The following DCAF17 variants were observed in gnomAD, a reference collection of about 807,000 sequenced individuals.
The protein encoded by DCAF17 is DDB1- and CUL4-associated factor 17.
A neutral mutation model predicts 66.0 loss-of-function variants in DCAF17; 48 were observed. The observed-to-expected ratio is 0.73, with a 90% CI of 0.58 to 0.92. The LOEUF (loss-of-function observed/expected upper bound fraction) is 0.92. DCAF17 is among the 40% of genes least tolerant of loss of function. The pLI is 0.00. For missense variants in DCAF17, 562 were observed against 622.8 expected, an observed-to-expected ratio of 0.90 and a Z score of 1.04; for synonymous variants, 206 against 214.6, an observed-to-expected ratio of 0.96 and a Z score of 0.35.
intron 12 of DCAF17, 148 bp from the exon 13 acceptor site, chr2:171,479,890 C>T: frequency 1.2e-6 from 1 of 849,736 alleles, no homozygotes. Flanking sequence ...TAAACAGATA[C>T]ATTTCTACCT....
chr2:171,471,157 T>TA (rs1317742796), intron 9 of DCAF17, among the ~76,000 whole-genome samples: 7 of 152,190 alleles, frequency 4.6e-5, no homozygotes, highest in Non-Finnish European at 8.8e-5. Flanking sequence ...AGCATACTCT[T>TA]AAAGAGCTGC....
chr2:171,437,517 T>A (rs1268234738), intron 2 of DCAF17, among the ~76,000 whole-genome samples: 1 of 152,220 alleles, frequency 6.6e-6, no homozygotes, highest in Non-Finnish European at 1.5e-5. Flanking sequence ...CTTTAAATGC[T>A]TGGTGGAATT....
Position 171,434,571 on chromosome 2 carries a change from C to T in DCAF17, c.-7C>T, listed in dbSNP as rs1301944080. ...CCCAGCCTACCCAGGGCCCGGCCCG[C>T]GCCTCCATGGGCCCGACCCGGAAGC... On this transcript the variant is annotated 5_prime_UTR_variant, in exon 1 of 14. Transcript: ENST00000375255. The T allele has an allele frequency of 2.0e-6, 3 of 1,526,056 alleles. No individual in the cohort carries two copies. Among genetic ancestry groups the T allele is most frequent in the African/African-American group, 2.8e-5 (2 of 72,028 alleles). The allele number at this position is 1,526,056 out of a possible 1,614,324, so 94.5% of individuals were successfully genotyped here.
At chr2:171,480,567 CTCTTGTA>C (rs1324321890) in intron 13 of DCAF17, among the ~76,000 whole-genome samples, 1 of 152,160 alleles carries the variant, frequency 6.6e-6, no homozygotes, top group Non-Finnish European at 1.5e-5. Context: ...TTCCCAGGTA[CTCTTGTA>C]TACATTTGTC....
At chr2:171,440,691 T>C (rs1694257348) in intron 2 of DCAF17, among the ~76,000 whole-genome samples, 1 of 152,190 alleles carries the variant, frequency 6.6e-6, no homozygotes, top group Admixed American at 6.5e-5. Context: ...GTTGTAGCCG[T>C]AGGTATTAGA....
Position 171,469,051 on chromosome 2 carries a change from T to C in DCAF17, c.981+21T>C, listed in dbSNP as rs777645107. On this transcript the variant is annotated intron_variant, in intron 9 of 13. Coordinates refer to ENST00000375255, the MANE Select transcript of DCAF17 (RefSeq NM_025000.4). ...CCCTGGTAAATGAGTGATCAGACTT[T>C]TTATTAGCAAATTTGTATCAAGTTC... 36 of 1,613,606 alleles carry C rather than the reference T, an allele frequency of 2.2e-5. No individual in the cohort carries two copies. In the South Asian group the frequency reaches 3.7e-4, roughly 17 times the overall value.
In DCAF17 at chr2:171,481,501, CAGGG is replaced by C. The variant is rs775631025; in HGVS notation, c.*390_*393del. Reference sequence around the variant, plus strand: ...TTTTGTTTGTTAAGGCTAGGAAAGACAGGGAGAGACAAAAGTAAACATGCAGAAA... The same window carrying C: ...TTTTGTTTGTTAAGGCTAGGAAAGACAGAGACAAAAGTAAACATGCAGAAA... On this transcript the variant is annotated 3_prime_UTR_variant, in exon 14 of 14. Coordinates refer to ENST00000375255, the MANE Select transcript of DCAF17 (RefSeq NM_025000.4). 3 of 456,112 alleles carry C rather than the reference CAGGG, an allele frequency of 6.6e-6. No individual in the cohort carries two copies. The allele number at this position is 456,112 out of a possible 1,614,324, so 28.3% of individuals were successfully genotyped here. A position where few individuals can be genotyped will look rare whatever the true frequency, so the allele number is the denominator to read the frequency against.
chr2:171,458,414 G>C lies in DCAF17; in HGVS notation c.775G>C (p.Gly259Arg). ...TGACTTAGGGTGTGCATGCAGATGG[G>C]GTGGGACTACTGGAACTGTAGGAGA... ...KLDLGCACRW[G>R]GTTGTVGEAP... Residue 259 changes from glycine (G) to arginine (R), a missense_variant, in exon 8 of 14, where the codon GGT becomes CGT. By Grantham distance (125) the Gly-to-Arg change is moderately radical. Around this residue, in one of 3 missense-constraint regions of DCAF17, gnomAD observed 348 missense variants for 355.9 expected, o/e 0.98. Coordinates refer to ENST00000375255, the MANE Select transcript of DCAF17 (RefSeq NM_025000.4). The C allele has an allele frequency of 6.2e-7, 1 of 1,613,928 alleles. No individual in the cohort carries two copies. Among genetic ancestry groups the C allele is most frequent in the Non-Finnish European group, 8.5e-7 (1 of 1,179,964 alleles).
chr2:171,477,937 C>T (rs1167857717), intron 11 of DCAF17, 50 bp from the exon 12 acceptor site: 1 of 1,490,218 alleles, frequency 6.7e-7, no homozygotes, highest in Admixed American at 1.7e-5. Context: ...TTACCTTTGA[C>T]TGCATGTAAT....
At chr2:171,476,434 T>C (rs1462191084) in intron 10 of DCAF17, among the ~76,000 whole-genome samples, 1 of 152,240 alleles carries the variant, frequency 6.6e-6, no homozygotes, top group African/African-American at 2.4e-5. Context: ...AATTTCTTTT[T>C]AGTTAACCCT....
chr2:171,456,459 C>T (rs574561736), intron 6 of DCAF17, among the ~76,000 whole-genome samples: 1 of 152,284 alleles, frequency 6.6e-6, no homozygotes, highest in Non-Finnish European at 1.5e-5. Context: ...GTTCTTTTTG[C>T]TTAGGATTGC....
intron 11 of DCAF17, 147 bp downstream of exon 11, chr2:171,477,097 A>T: frequency 1.5e-6 from 1 of 650,334 alleles, no homozygotes; most frequent in East Asian, 2.8e-5. Flanking sequence ...ATGGGTAGCC[A>T]GTTTTAGCCC....
rs751687518 is a variant in DCAF17 at position 171,473,984 on chromosome 2, T to C, written c.1091+9T>C. The C allele has an allele frequency of 6.2e-7, 1 of 1,600,486 alleles. No individual in the cohort carries two copies. Among genetic ancestry groups the C allele is most frequent in the South Asian group, 1.1e-5 (1 of 90,740 alleles). Reference sequence around the variant, plus strand: ...GGTCCAAATCAAGTCAAGTGAGTAATCTCATTAGCACTTGAAAGTTAAGAG... The same window carrying C: ...GGTCCAAATCAAGTCAAGTGAGTAACCTCATTAGCACTTGAAAGTTAAGAG... On this transcript the variant is annotated intron_variant, in intron 10 of 13. Coordinates refer to ENST00000375255, the MANE Select transcript of DCAF17 (RefSeq NM_025000.4).
chr2:171,464,813 C>G (rs1309662381), intron 8 of DCAF17, among the ~76,000 whole-genome samples: 1 of 150,342 alleles, frequency 6.7e-6, no homozygotes, highest in African/African-American at 2.5e-5. Context: ...TCTCTTAACT[C>G]ATACTGAGCT....
intron 2 of DCAF17, among the ~76,000 whole-genome samples, chr2:171,438,302 C>T (rs911537388): frequency 3.3e-5 from 5 of 152,150 alleles, no homozygotes; most frequent in South Asian, 4.1e-4. Context: ...GTGAACGTTT[C>T]GTGTAAGCTT....
At position 171,482,493 on chromosome 2, in the gene DCAF17, A is replaced by T. The variant is rs1271206130; in HGVS notation, c.*1379A>T. On this transcript the variant is annotated 3_prime_UTR_variant, in exon 14 of 14. Transcript: ENST00000375255. ...CTGTATCTAAATAGTCCCACTCAGTAAACTTACATCTTGAAAAACAAGACC... is the reference window on the plus strand; with the variant it reads ...CTGTATCTAAATAGTCCCACTCAGTTAACTTACATCTTGAAAAACAAGACC... The T allele has an allele frequency of 1.3e-5, 6 of 454,108 alleles. No individual in the cohort carries two copies. The Admixed American group carries it at 1.4e-4, about 11-fold the overall frequency. 28.1% of individuals were successfully genotyped at this position (454,108 alleles called of 1,614,324 possible). A position where few individuals can be genotyped will look rare whatever the true frequency, so the allele number is the denominator to read the frequency against.
At position 171,434,322 on chromosome 2, in the gene DCAF17, G is replaced by C. The variant is rs1185828589; in HGVS notation, c.-256G>C. 4.5e-6 allele frequency: 3 copies of C among 661,974 alleles called. No individual in the cohort carries two copies. In the East Asian group the frequency reaches 9.8e-5, roughly 22 times the overall value. 41.0% of individuals were successfully genotyped at this position (661,974 alleles called of 1,614,324 possible). A position where few individuals can be genotyped will look rare whatever the true frequency, so the allele number is the denominator to read the frequency against. Reference sequence around the variant, plus strand: ...GCGGTACCGGAGCGTCGCACTGTCAGCGGCCAGAGAGCCTGGGGCAGATCG... The same window carrying C: ...GCGGTACCGGAGCGTCGCACTGTCACCGGCCAGAGAGCCTGGGGCAGATCG... On this transcript the variant is annotated 5_prime_UTR_variant, in exon 1 of 14. Transcript: ENST00000375255.
intron 10 of DCAF17, among the ~76,000 whole-genome samples, chr2:171,474,683 A>T (rs1696415060): frequency 6.6e-6 from 1 of 152,254 alleles, no homozygotes; most frequent in South Asian, 2.1e-4. Flanking sequence ...ATCTTGAATC[A>T]TTCCTGATAC....
At chr2:171,476,134 C>T (rs1696487772) in intron 10 of DCAF17, among the ~76,000 whole-genome samples, 1 of 149,862 alleles carries the variant, frequency 6.7e-6, no homozygotes, top group African/African-American at 2.4e-5. Flanking sequence ...CACATAGCTG[C>T]TTCTCTCTGC....
Sources: gnomAD v4.1 joint callset for allele counts (sites outside exome capture counted in the v4.1 genomes callset) on GRCh38, gnomAD v4.1.1 for gene constraint, gnomAD v4.1.1 regional missense constraint, MANE v1.5 for transcripts, NCBI Gene and HGNC (gene_info 2026-07-23, HGNC 2026-07-21) for gene names.